The following CISD1 variants were observed in gnomAD, a reference collection of about 807,000 sequenced individuals.
The protein encoded by CISD1 is CDGSH iron-sulfur domain-containing protein 1.
In CISD1, 8 loss-of-function variants were observed where a neutral mutation model predicts 12.0. The ratio of observed to expected loss-of-function variants is 0.67; its 90% CI spans 0.39 to 1.20. The LOEUF is 1.20. Among genes scored for constraint, CISD1 ranks in the 50% most tolerant of loss-of-function variants. The probability of loss-of-function intolerance (pLI) is 0.01; values close to 1 mark genes in which losing one functional copy is unlikely to be tolerated. For synonymous variants in CISD1, 38 were observed against 42.2 expected (o/e 0.90, Z 0.39); for missense variants, 107 against 132.7 (o/e 0.81, Z 0.95).
At chr10:58,273,307 C>A (rs543921303) in intron 1 of CISD1, 10 of 151,898 alleles carry the variant, frequency 6.6e-5, no homozygotes, top group African/African-American at 2.4e-4. Flanking sequence ...ATATGCCAGG[C>A]CTTGAGAAAA....
chr10:58,278,813 C>T (rs1210659815), intron 2 of CISD1, among the ~76,000 whole-genome samples: 2 of 152,072 alleles, frequency 1.3e-5, no homozygotes, highest in African/African-American at 4.8e-5. Flanking sequence ...AAATTCCATA[C>T]CTGACCTCAT....
chr10:58,277,657 A>G (rs1035568980), intron 2 of CISD1, among the ~76,000 whole-genome samples: 1 of 151,598 alleles, frequency 6.6e-6, no homozygotes, highest in African/African-American at 2.4e-5. Context: ...ATATGCTCTT[A>G]AAGAAATATA....
Position 58,287,610 on chromosome 10 carries a change from A to T in CISD1, c.287A>T (p.Asp96Val). The T allele has an allele frequency of 1.2e-6, 2 of 1,611,378 alleles. No individual in the cohort carries two copies. Among genetic ancestry groups the T allele is most frequent in the Non-Finnish European group, 1.7e-6 (2 of 1,178,344 alleles). The change falls in exon 3 of 3, where the codon GAC (aspartate) becomes GTC (valine). Residue 96 changes from aspartate to valine, a missense_variant. Physicochemically the swap from Asp to Val is radical, Grantham distance 152. Coordinates refer to ENST00000333926, the MANE Select transcript of CISD1 (RefSeq NM_018464.5). ...AHTKHNEETG[D>V]NVGPLIIKKK... Reference sequence around the variant, plus strand: ...ACAAAACATAACGAAGAGACTGGAGACAATGTGGGCCCTCTGATCATCAAG... The same window carrying T: ...ACAAAACATAACGAAGAGACTGGAGTCAATGTGGGCCCTCTGATCATCAAG...
At chr10:58,273,313 G>GA (rs111427239) in intron 1 of CISD1, 39 of 145,900 alleles carry the variant, frequency 2.7e-4, no homozygotes, top group Middle Eastern at 7.1e-3. Flanking sequence ...CAGGCCTTGA[G>GA]AAAAAAAAAA....
intron 2 of CISD1, among the ~76,000 whole-genome samples, chr10:58,286,219 AAG>A (rs1000957353): frequency 2.0e-5 from 3 of 151,794 alleles, no homozygotes; most frequent in African/African-American, 7.3e-5. Flanking sequence ...AAAAAAAAAA[AAG>A]TAAAAAAAAG....
In CISD1 at chr10:58,287,634, A is replaced by C; in HGVS notation, c.311A>C (p.Lys104Thr). Residue 104 changes from lysine to threonine, a missense_variant, in exon 3 of 3, where the codon AAG (lysine) becomes ACG (threonine). Lys to Thr is a moderately conservative substitution (Grantham distance 78, BLOSUM62 -1). Transcript: ENST00000333926. ...TGDNVGPLII[K>T]KKET ...GACAATGTGGGCCCTCTGATCATCA[A>C]GAAAAAAGAAACTTAAATGGACACT... 2 of 1,608,304 alleles carry C rather than the reference A, an allele frequency of 1.2e-6. No individual in the cohort carries two copies. Among genetic ancestry groups the C allele is most frequent in the Non-Finnish European group, 1.7e-6 (2 of 1,176,404 alleles).
intron 2 of CISD1, 104 bp downstream of exon 2, chr10:58,277,426 TTTG>T (rs1839327778): frequency 7.3e-6 from 6 of 824,208 alleles, no homozygotes; most frequent in Admixed American, 3.5e-5. Context: ...ATATCCCTTT[TTTG>T]TTGTTGTTGA....
intron 1 of CISD1, among the ~76,000 whole-genome samples, chr10:58,276,837 G>A (rs1265228926): frequency 6.7e-6 from 1 of 149,694 alleles, no homozygotes; most frequent in Non-Finnish European, 1.5e-5. Context: ...ATTGAGCTTT[G>A]GGTTTTTTTT....
chr10:58,280,799 A>G (rs982049320), intron 2 of CISD1, among the ~76,000 whole-genome samples: 10 of 152,240 alleles, frequency 6.6e-5, no homozygotes, highest in Non-Finnish European at 1.2e-4. Flanking sequence ...TAGAAGAGGG[A>G]AAAGTTTCAA....
In CISD1 at chr10:58,269,414, C is replaced by T. The variant is rs1197953202; in HGVS notation, c.31+110C>T. On this transcript the variant is annotated intron_variant, in intron 1 of 2. Transcript: ENST00000333926. ...CCCTACGCGCCCGCCGGTCCTATAA[C>T]CTTGAGATGCAGAAGGGCAAGCGCT... 8 of 986,674 alleles carry T rather than the reference C, an allele frequency of 8.1e-6. No individual in the cohort carries two copies. The Admixed American group carries it at 1.6e-4, about 20-fold the overall frequency. 61.1% of individuals were successfully genotyped at this position (986,674 alleles called of 1,614,324 possible).
chr10:58,269,325 G>GGGTGAGGCT (rs757354920), intron 1 of CISD1, 21 bp downstream of exon 1: 2 of 1,604,346 alleles, frequency 1.2e-6, no homozygotes, highest in Non-Finnish European at 1.7e-6. Flanking sequence ...GCCTGGGAGC[G>GGGTGAGGCT]GGTGAGGCTG....
At chr10:58,274,626 A>T (rs1416659444) in intron 1 of CISD1, among the ~76,000 whole-genome samples, 1 of 152,008 alleles carries the variant, frequency 6.6e-6, no homozygotes, top group Non-Finnish European at 1.5e-5. Context: ...GCATAGGGTC[A>T]TAAGTGGCCC....
rs1839459170 is a variant in CISD1 at position 58,288,904 on chromosome 10, C to T, written c.*1254C>T. 1 of 152,196 alleles carries T rather than the reference C, an allele frequency of 6.6e-6. No homozygotes were observed. Among genetic ancestry groups the T allele is most frequent in the Non-Finnish European group, 1.5e-5 (1 of 67,936 alleles). 9.4% of individuals were successfully genotyped at this position (152,196 alleles called of 1,614,324 possible). ...AGTAGTAGTCAATCACAAATTTCTA[C>T]TTGCTAAAATCCATTTACCTTGACA... On this transcript the variant is annotated 3_prime_UTR_variant, in exon 3 of 3. Coordinates refer to ENST00000333926, the MANE Select transcript of CISD1 (RefSeq NM_018464.5).
rs1260949576 is a variant in CISD1 at position 58,269,331 on chromosome 10, G to A, written c.31+27G>A. 2.5e-6 allele frequency: 4 copies of A among 1,600,226 alleles called. No homozygotes were observed. The South Asian group carries it at 4.4e-5, about 18-fold the overall frequency. ...TGAAGTGGGGCCTGGGAGCGGGTGAGGCTGGTGAGGCTCAGCGGTTGCCGC... is the reference window on the plus strand; with the variant it reads ...TGAAGTGGGGCCTGGGAGCGGGTGAAGCTGGTGAGGCTCAGCGGTTGCCGC... On this transcript the variant is annotated intron_variant, in intron 1 of 2. Transcript: ENST00000333926.
chr10:58,276,434 C>A (rs182475475), intron 1 of CISD1, among the ~76,000 whole-genome samples: 48 of 151,902 alleles, frequency 3.2e-4, no homozygotes, highest in Admixed American at 2.7e-3. Flanking sequence ...TTAGTACATT[C>A]TGATTTTTAT....
At chr10:58,275,148 C>T (rs1174623283) in intron 1 of CISD1, among the ~76,000 whole-genome samples, 4 of 152,072 alleles carry the variant, frequency 2.6e-5, no homozygotes, top group Non-Finnish European at 5.9e-5. Context: ...GGGATATTGC[C>T]CCCCTTTAAG....
chr10:58,281,262 T>G (rs1839370948), intron 2 of CISD1, among the ~76,000 whole-genome samples: 1 of 152,238 alleles, frequency 6.6e-6, no homozygotes, highest in East Asian at 1.9e-4. Context: ...AATTTAGAGT[T>G]TCCAGATGGT....
At chr10:58,277,613 T>A (rs1839329923) in intron 2 of CISD1, among the ~76,000 whole-genome samples, 1 of 151,870 alleles carries the variant, frequency 6.6e-6, no homozygotes, top group African/African-American at 2.4e-5. Flanking sequence ...TTTCTTTTTT[T>A]TTTTTTAATG....
intron 2 of CISD1, among the ~76,000 whole-genome samples, chr10:58,281,567 A>G (rs754722998): frequency 1.3e-5 from 2 of 152,252 alleles, no homozygotes; most frequent in Non-Finnish European, 2.9e-5. Context: ...CTGTGGTTCT[A>G]AGGTTATCAC....
Sources: allele counts gnomAD v4.1 joint callset (sites outside exome capture counted in the v4.1 genomes callset), GRCh38; gene constraint gnomAD v4.1.1; transcripts MANE v1.5; gene names NCBI Gene and HGNC (gene_info 2026-07-23, HGNC 2026-07-21).